The following LARGE1 variants were observed in gnomAD, a reference collection of about 807,000 sequenced individuals.
LARGE1 encodes the protein LARGE xylosyl- and glucuronyltransferase 1.
A neutral mutation model predicts 87.6 loss-of-function variants in LARGE1; 43 were observed. The observed-to-expected ratio is 0.49, with a 90% CI of 0.38 to 0.63. LARGE1 has a LOEUF of 0.63. Ranked by LOEUF, LARGE1 falls within the 30% of genes least tolerant of loss-of-function variation. The pLI is 0.00. For synonymous variants in LARGE1, 434 were observed against 394.6 expected, an observed-to-expected ratio of 1.10 and a Z score of -1.18; for missense variants, 802 against 1,000.2, an observed-to-expected ratio of 0.80 and a Z score of 2.67.
chr22:33,831,783 C>T (rs868438231), intron 1 of LARGE1, among the ~76,000 whole-genome samples: 2 of 144,176 alleles, frequency 1.4e-5, no homozygotes, highest in African/African-American at 5.2e-5. Flanking sequence ...CACACACACA[C>T]ATACACATAC....
intron 1 of LARGE1, among the ~76,000 whole-genome samples, chr22:33,829,251 C>T (rs911518148): frequency 2.6e-5 from 4 of 152,040 alleles, no homozygotes; most frequent in East Asian, 1.9e-4. Context: ...TCAAGTGATC[C>T]GCCCACCTCA....
At chr22:33,147,811 T>G in the LARGE1 span, among the ~76,000 whole-genome samples, 3 of 152,198 alleles carry the variant, frequency 2.0e-5, no homozygotes, top group African/African-American at 7.2e-5. Flanking sequence ...TTAGGATAAT[T>G]TAATTACTGT....
intron 12 of LARGE1, among the ~76,000 whole-genome samples, chr22:33,291,694 A>C (rs1488728754): frequency 6.6e-6 from 1 of 151,994 alleles, no homozygotes; most frequent in Non-Finnish European, 1.5e-5. Context: ...GATTAAAAAA[A>C]AAAAAGCTTG....
chr22:33,453,902 TCTAATCAATACA>T (rs142369274), intron 6 of LARGE1, among the ~76,000 whole-genome samples: 4,870 of 152,302 alleles, frequency 0.032, 85 homozygotes, highest in South Asian at 0.061. Context: ...TATTTGAATG[TCTAATCAATACA>T]CTGAATTAAG....
At chr22:33,239,535 CTTTT>C (rs71187254) in intron 11 of LARGE1, among the ~76,000 whole-genome samples, 2 of 95,314 alleles carry the variant, frequency 2.1e-5, no homozygotes, top group East Asian at 6.0e-4. Context: ...TTTTTCTTTT[CTTTT>C]TTTTTTTTTT....
At chr22:33,556,026 G>A (rs2077666194) in intron 6 of LARGE1, among the ~76,000 whole-genome samples, 1 of 151,794 alleles carries the variant, frequency 6.6e-6, no homozygotes, top group African/African-American at 2.4e-5. Context: ...CTTCACATAT[G>A]CTGCTCCCTC....
chr22:33,348,788 T>C (rs1440560721), intron 9 of LARGE1, among the ~76,000 whole-genome samples: 1 of 151,722 alleles, frequency 6.6e-6, no homozygotes, highest in South Asian at 2.1e-4. Context: ...ACCGATATGG[T>C]TTGGCTGTGT....
chr22:33,610,996 G>C (rs1288016898), intron 4 of LARGE1, among the ~76,000 whole-genome samples: 1 of 152,248 alleles, frequency 6.6e-6, no homozygotes, highest in Non-Finnish European at 1.5e-5. Context: ...AGGACGGAGA[G>C]TGCAAGAGTG....
chr22:33,779,000 C>T lies in LARGE1; in HGVS notation c.-82-17442G>A, dbSNP rs141740100. On this transcript the variant is annotated intron_variant, in intron 1 of 14. Coordinates refer to ENST00000397394, the MANE Select transcript of LARGE1 (RefSeq NM_133642.5). ...AATAGTCCATTGCACGGAGAGGCCA[C>T]ATTTTGTTTATCCATTCATCAGGTG... is the stretch of plus-strand genomic sequence containing the variant. Among the ~76,000 whole-genome samples, 13 of 152,252 alleles carry T rather than the reference C, an allele frequency of 8.5e-5. No homozygotes were observed. The East Asian group carries it at 2.5e-3, about 29-fold the overall frequency.
At chr22:33,646,245 C>CT (rs993570004) in intron 3 of LARGE1, among the ~76,000 whole-genome samples, 2 of 152,144 alleles carry the variant, frequency 1.3e-5, no homozygotes, top group African/African-American at 4.8e-5. Flanking sequence ...CCATGGAATA[C>CT]TATGCGGCCA....
chr22:33,759,348 G>A (rs1478257220), intron 2 of LARGE1, among the ~76,000 whole-genome samples: 1 of 152,136 alleles, frequency 6.6e-6, no homozygotes, highest in Admixed American at 6.5e-5. Flanking sequence ...ACTCATTGAG[G>A]CCCCAATCTA....
intron 11 of LARGE1, among the ~76,000 whole-genome samples, chr22:33,175,343 T>C (rs1922807929): frequency 6.6e-6 from 1 of 152,090 alleles, no homozygotes; most frequent in African/African-American, 2.4e-5. Context: ...GGTATTCAAA[T>C]AGGAAAAGAG....
At chr22:33,761,253 C>A in intron 2 of LARGE1, 118 bp downstream of exon 2, 1 of 885,398 alleles carries the variant, frequency 1.1e-6, no homozygotes, top group Non-Finnish European at 1.9e-6. Context: ...CAAGTCACTT[C>A]CCATGACTGG....
At chr22:33,882,321 C>T (rs1336653507) in intron 1 of LARGE1, among the ~76,000 whole-genome samples, 1 of 152,172 alleles carries the variant, frequency 6.6e-6, no homozygotes, top group Non-Finnish European at 1.5e-5. Context: ...TGAGCCACCG[C>T]ACCCGGCCAA....
At position 33,337,811 on chromosome 22, in the gene LARGE1, A is replaced by G. The variant is rs570154224; in HGVS notation, c.1132-10T>C. 1.2e-6 allele frequency: 2 copies of G among 1,614,018 alleles called. No individual in the cohort carries two copies. The highest frequency in any genetic ancestry group is 4.5e-5 in the East Asian group (2 of 44,870). ...AGTTCCAGTGAATGACCTGGCAGGG[A>G]GATAAGGAAGTGGTCAGGTATGGCA... On this transcript the variant is annotated splice_polypyrimidine_tract_variant and intron_variant, in intron 9 of 14. Coordinates refer to ENST00000397394, the MANE Select transcript of LARGE1 (RefSeq NM_133642.5).
intron 6 of LARGE1, among the ~76,000 whole-genome samples, chr22:33,486,512 AAGAGACAGAGAG>A (rs879489417): frequency 2.1e-4 from 32 of 149,112 alleles, no homozygotes; most frequent in Middle Eastern, 3.4e-3. Context: ...GACTAAACAG[AAGAGACAGAGAG>A]AGAGACAGAG....
chr22:33,696,449 G>C (rs5999064), intron 2 of LARGE1, among the ~76,000 whole-genome samples: 2 of 151,938 alleles, frequency 1.3e-5, no homozygotes, highest in East Asian at 1.9e-4. Context: ...ATTTTTAGTA[G>C]AGAAGGTTTC....
chr22:33,241,646 G>A (rs1265941313), intron 11 of LARGE1, among the ~76,000 whole-genome samples: 1 of 151,422 alleles, frequency 6.6e-6, no homozygotes, highest in Non-Finnish European at 1.5e-5. Flanking sequence ...GTATATATAT[G>A]TGTGTGTATA....
intron 11 of LARGE1, among the ~76,000 whole-genome samples, chr22:33,254,552 A>C (rs1927164050): frequency 6.6e-6 from 1 of 152,216 alleles, no homozygotes; most frequent in South Asian, 2.1e-4. Flanking sequence ...CTAAGGCTAT[A>C]GACTCCAGAG....
Sources: gnomAD v4.1 joint callset for allele counts (sites outside exome capture counted in the v4.1 genomes callset) on GRCh38, gnomAD v4.1.1 for gene constraint, MANE v1.5 for transcripts, NCBI Gene and HGNC (gene_info 2026-07-23, HGNC 2026-07-21) for gene names.